Variants in SASS6 observed in about 807,000 individuals in gnomAD.
SASS6 encodes the protein SAS-6 centriolar assembly protein, also known as spindle assembly abnormal protein 6 homolog.
A neutral mutation model predicts 94.9 loss-of-function variants in SASS6; 59 were observed. The ratio of observed to expected loss-of-function variants is 0.62; its 90% CI spans 0.50 to 0.77. The LOEUF (loss-of-function observed/expected upper bound fraction) is 0.77. SASS6 is among the 30% of genes least tolerant of loss of function. The pLI is 0.00. For missense variants in SASS6, 698 were observed against 734.1 expected (o/e 0.95, Z 0.57); for synonymous variants, 264 against 270.0 (o/e 0.98, Z 0.22).
At chr1:100,093,187 T>C (rs1651869174) in intron 14 of SASS6, among the ~76,000 whole-genome samples, 1 of 141,322 alleles carries the variant, frequency 7.1e-6, no homozygotes, top group African/African-American at 2.6e-5. Context: ...TTTTTTTTTT[T>C]TTTTTTTTTT....
At chr1:100,090,874 T>C (rs1467192894) in intron 14 of SASS6, among the ~76,000 whole-genome samples, 1 of 152,170 alleles carries the variant, frequency 6.6e-6, no homozygotes, top group Non-Finnish European at 1.5e-5. Flanking sequence ...TAGGCTCACT[T>C]ATGAGCTGTA....
Position 100,106,898 on chromosome 1 carries a change from C to T in SASS6, c.1408+14G>A, listed in dbSNP as rs201735066. On this transcript the variant is annotated intron_variant, in intron 12 of 16. Coordinates refer to ENST00000287482, the MANE Select transcript of SASS6 (RefSeq NM_194292.3). ...ACTACAAACCTCATTTACATTAACA[C>T]GTAACATACTTACACTTTTCATTAT... 43 of 1,057,420 alleles carry T rather than the reference C, an allele frequency of 4.1e-5. No individual in the cohort carries two copies. The highest frequency in any genetic ancestry group is 6.3e-5 in the African/African-American group (4 of 63,318). The allele number at this position is 1,057,420 out of a possible 1,614,324, so 65.5% of individuals were successfully genotyped here. A position where few individuals can be genotyped will look rare whatever the true frequency, so the allele number is the denominator to read the frequency against.
rs758437822 is a variant in SASS6, at chr1:100,106,896, C to A, written c.1408+16G>T. ...AAACTACAAACCTCATTTACATTAA[C>A]ACGTAACATACTTACACTTTTCATT... On this transcript the variant is annotated intron_variant, in intron 12 of 16. Transcript: ENST00000287482. 1 of 1,032,242 alleles carries A rather than the reference C, an allele frequency of 9.7e-7. No individual in the cohort carries two copies. The highest frequency in any genetic ancestry group is 1.3e-5 in the South Asian group (1 of 75,354). 63.9% of individuals were successfully genotyped at this position (1,032,242 alleles called of 1,614,324 possible). A position where few individuals can be genotyped will look rare whatever the true frequency, so the allele number is the denominator to read the frequency against.
At chr1:100,086,247 A>G (rs1468320246) in intron 15 of SASS6, among the ~76,000 whole-genome samples, 2 of 152,152 alleles carry the variant, frequency 1.3e-5, no homozygotes, top group African/African-American at 4.8e-5. Flanking sequence ...ATGAGAATAA[A>G]TCAATCCTTA....
Position 100,084,677 on chromosome 1 carries a change from A to T in SASS6, c.*651T>A, listed in dbSNP as rs1039135270. 1 of 152,134 alleles carries T rather than the reference A, an allele frequency of 6.6e-6. No individual in the cohort carries two copies. Among genetic ancestry groups the T allele is most frequent in the African/African-American group, 2.4e-5 (1 of 41,456 alleles). 9.4% of individuals were successfully genotyped at this position (152,134 alleles called of 1,614,324 possible). On this transcript the variant is annotated 3_prime_UTR_variant, in exon 17 of 17. Coordinates refer to ENST00000287482, the MANE Select transcript of SASS6 (RefSeq NM_194292.3). ...GAAGTTTTAAAAACTTGTCAGCTCA[A>T]ATGACAAAAGCACTTAATCTGGTCA... is the stretch of plus-strand genomic sequence containing the variant.
chr1:100,129,286 C>CA (rs1471580287), intron 1 of SASS6, among the ~76,000 whole-genome samples: 1 of 150,608 alleles, frequency 6.6e-6, no homozygotes, highest in Non-Finnish European at 1.5e-5. Context: ...ACAAACAAAA[C>CA]AAAACAAAAA....
At chr1:100,108,077 G>T in intron 8 of SASS6, 73 bp from the exon 9 acceptor site, 1 of 837,278 alleles carries the variant, frequency 1.2e-6, no homozygotes, top group Non-Finnish European at 1.8e-6. Context: ...TTATAATTAA[G>T]ATGTCTAACA....
intron 1 of SASS6, among the ~76,000 whole-genome samples, chr1:100,130,503 A>T (rs1458267154): frequency 6.6e-6 from 1 of 152,100 alleles, no homozygotes; most frequent in Non-Finnish European, 1.5e-5. Context: ...CAATACAGGG[A>T]GACCCCGTCT....
intron 14 of SASS6, among the ~76,000 whole-genome samples, chr1:100,100,686 T>C (rs551008845): frequency 6.6e-6 from 1 of 152,382 alleles, no homozygotes; most frequent in South Asian, 2.1e-4. Flanking sequence ...GTATTCAATC[T>C]TGACAGTAAC....
At chr1:100,109,685 C>T (rs967811439) in intron 8 of SASS6, among the ~76,000 whole-genome samples, 2 of 151,974 alleles carry the variant, frequency 1.3e-5, no homozygotes, top group East Asian at 3.9e-4. Context: ...GAGTTCTAAT[C>T]CTTGTTCTTC....
chr1:100,123,146 G>A, intron 3 of SASS6, 64 bp downstream of exon 3: 1 of 696,358 alleles, frequency 1.4e-6, no homozygotes, highest in Non-Finnish European at 2.5e-6. Flanking sequence ...AAAGAGAACA[G>A]TACCAATAAA....
intron 14 of SASS6, 55 bp downstream of exon 14, chr1:100,102,900 A>C: frequency 7.4e-7 from 1 of 1,358,936 alleles, no homozygotes; most frequent in Non-Finnish European, 1.0e-6. Flanking sequence ...AAATGTTTGT[A>C]TGCTAATAGG....
chr1:100,088,481 G>C (rs1570680710), intron 14 of SASS6, among the ~76,000 whole-genome samples: 1 of 152,098 alleles, frequency 6.6e-6, no homozygotes, highest in South Asian at 2.1e-4. Flanking sequence ...GTAGAGACGG[G>C]GTTTCACTGT....
At chr1:100,128,123 G>A (rs1273422431) in intron 1 of SASS6, among the ~76,000 whole-genome samples, 2 of 151,898 alleles carry the variant, frequency 1.3e-5, no homozygotes, top group Non-Finnish European at 2.9e-5. Context: ...TGCAACCTCC[G>A]CCTCCCAGGT....
chr1:100,086,251 A>G (rs1010957009), intron 15 of SASS6, among the ~76,000 whole-genome samples: 2 of 152,142 alleles, frequency 1.3e-5, no homozygotes, highest in African/African-American at 2.4e-5. Flanking sequence ...GAATAAATCA[A>G]TCCTTAAAAT....
At chr1:100,125,620 G>A (rs374892209) in intron 2 of SASS6, among the ~76,000 whole-genome samples, 6 of 142,422 alleles carry the variant, frequency 4.2e-5, no homozygotes, top group African/African-American at 1.6e-4. Flanking sequence ...TGAGTGAGCC[G>A]AGATCGTGCC....
In SASS6 at chr1:100,085,284, T is replaced by C; in HGVS notation, c.*44A>G. The C allele has an allele frequency of 8.2e-7, 1 of 1,221,816 alleles. No homozygotes were observed. Among genetic ancestry groups the C allele is most frequent in the Non-Finnish European group, 1.2e-6 (1 of 824,034 alleles). 75.7% of individuals were successfully genotyped at this position (1,221,816 alleles called of 1,614,324 possible). The stretch of plus-strand genomic sequence containing the variant: ...TGTGTTGACATATTTTTTAAGCACC[T>C]GAGTTTCTAAAATACCAATAAAAAG... On this transcript the variant is annotated 3_prime_UTR_variant, in exon 17 of 17. Transcript: ENST00000287482.
In SASS6 at chr1:100,120,473, T is replaced by G. The variant is rs201525880; in HGVS notation, c.484-14A>C. On this transcript the variant is annotated splice_polypyrimidine_tract_variant and intron_variant, in intron 5 of 16. Transcript: ENST00000287482. ...TAATTTTTCTTCCTATTCATAAAAATAATAAAATTACACAGTTTACAATGT... is the reference window on the plus strand; with the variant it reads ...TAATTTTTCTTCCTATTCATAAAAAGAATAAAATTACACAGTTTACAATGT... 1.2e-5 allele frequency: 14 copies of G among 1,152,748 alleles called. No individual in the cohort carries two copies. Among genetic ancestry groups the G allele is most frequent in the East Asian group, 1.2e-4 (5 of 42,770 alleles). 71.4% of individuals were successfully genotyped at this position (1,152,748 alleles called of 1,614,324 possible).
At position 100,107,566 on chromosome 1, in the gene SASS6, T is replaced by C; in HGVS notation, c.1147-13A>G. 1.3e-6 allele frequency: 2 copies of C among 1,578,048 alleles called. No homozygotes were observed. Among genetic ancestry groups the C allele is most frequent in the Non-Finnish European group, 1.7e-6 (2 of 1,156,772 alleles). On this transcript the variant is annotated splice_polypyrimidine_tract_variant and intron_variant, in intron 10 of 16. Coordinates refer to ENST00000287482, the MANE Select transcript of SASS6 (RefSeq NM_194292.3). ...TAATTTCATTTGCCTATAAAAGAGC[T>C]TCATATGTATATTTCTATGTAATTT...
Sources: allele counts gnomAD v4.1 joint callset (sites outside exome capture counted in the v4.1 genomes callset), GRCh38; gene constraint gnomAD v4.1.1; transcripts MANE v1.5; gene names NCBI Gene and HGNC (gene_info 2026-07-23, HGNC 2026-07-21).